The following STX8 variants were observed in gnomAD, a reference collection of about 807,000 sequenced individuals.
STX8 encodes the protein syntaxin 8.
Under a neutral mutation model 37.5 loss-of-function variants are expected in STX8, and 23 were observed. That is an observed-to-expected ratio of 0.61 (90% CI 0.44 to 0.87). The LOEUF (loss-of-function observed/expected upper bound fraction) is 0.87. Ranked by LOEUF, STX8 falls within the 40% of genes least tolerant of loss-of-function variation. The pLI is 0.00. For synonymous variants in STX8, 115 were observed against 99.1 expected (o/e 1.16, Z -0.95); for missense variants, 313 against 284.7 (o/e 1.10, Z -0.71).
At chr17:9,429,152 C>A (rs958310068) in intron 6 of STX8, among the ~76,000 whole-genome samples, 2 of 151,502 alleles carry the variant, frequency 1.3e-5, no homozygotes, top group East Asian at 3.9e-4. Context: ...ACATAATTCA[C>A]CTGCCACAAA....
At chr17:9,373,063 C>G (rs1343324339) in intron 7 of STX8, among the ~76,000 whole-genome samples, 1 of 148,120 alleles carries the variant, frequency 6.8e-6, no homozygotes, top group Non-Finnish European at 1.5e-5. Context: ...GAGGTCATGC[C>G]ATTGCACTCC....
chr17:9,342,582 G>A lies in STX8; in HGVS notation c.643+35970C>T, dbSNP rs1006529924. On this transcript the variant is annotated intron_variant, in intron 7 of 7. Coordinates refer to ENST00000306357, the MANE Select transcript of STX8 (RefSeq NM_004853.3). ...AACAGTGGTGCCAAACACAAATACC[G>A]GTGTGGGCTGGCTTCTTGTCTGGGT... 6.6e-5 allele frequency among the ~76,000 whole-genome samples: 10 copies of A among 152,134 alleles called. No homozygotes were observed. The South Asian group carries it at 1.0e-3, about 16-fold the overall frequency.
At chr17:9,528,826 TAAAAAC>T (rs1329345699) in intron 4 of STX8, among the ~76,000 whole-genome samples, 1 of 149,332 alleles carries the variant, frequency 6.7e-6, no homozygotes, top group East Asian at 2.0e-4. Flanking sequence ...GAATAGGAGA[TAAAAAC>T]TAAAATCAAG....
chr17:9,414,129 A>ACCTACCCATTTGTCCGTCTGT (rs1555525031), intron 6 of STX8, among the ~76,000 whole-genome samples: 1 of 67,622 alleles, frequency 1.5e-5, no homozygotes, highest in Non-Finnish European at 3.2e-5. Flanking sequence ...CATCCATCCA[A>ACCTACCCATTTGTCCGTCTGT]CCATCCATCC....
chr17:9,326,180 G>C (rs1324715256), intron 7 of STX8, among the ~76,000 whole-genome samples: 1 of 151,656 alleles, frequency 6.6e-6, no homozygotes, highest in South Asian at 2.1e-4. Flanking sequence ...ATCCAGGCTA[G>C]AGTGCAGTGG....
intron 7 of STX8, among the ~76,000 whole-genome samples, chr17:9,345,061 G>C (rs936858011): frequency 6.6e-6 from 1 of 152,152 alleles, no homozygotes; most frequent in African/African-American, 2.4e-5. Context: ...CAGGGTAGCA[G>C]ACGAGGGGCT....
chr17:9,525,593 G>A (rs542254887), intron 4 of STX8, among the ~76,000 whole-genome samples: 6 of 151,910 alleles, frequency 3.9e-5, no homozygotes, highest in East Asian at 1.9e-4. Context: ...TGATCTACCC[G>A]CCTCAGCCTC....
chr17:9,521,198 A>C (rs1905326929), intron 4 of STX8, among the ~76,000 whole-genome samples: 1 of 152,226 alleles, frequency 6.6e-6, no homozygotes, highest in African/African-American at 2.4e-5. Flanking sequence ...GAGAGGCTGC[A>C]GTCAGAGAGG....
chr17:9,303,085 A>T (rs1908843716), intron 7 of STX8, among the ~76,000 whole-genome samples: 1 of 151,958 alleles, frequency 6.6e-6, no homozygotes, highest in Non-Finnish European at 1.5e-5. Flanking sequence ...CAAGGTCAAG[A>T]GATCGAGACC....
chr17:9,269,012 C>T (rs554924868), intron 7 of STX8, among the ~76,000 whole-genome samples: 21 of 152,146 alleles, frequency 1.4e-4, no homozygotes, highest in Admixed American at 1.0e-3. Flanking sequence ...ACGGTGAAAC[C>T]CCGTCTCTAC....
chr17:9,559,001 A>G (rs1907102063), intron 2 of STX8, among the ~76,000 whole-genome samples: 2 of 152,176 alleles, frequency 1.3e-5, no homozygotes, highest in Admixed American at 1.3e-4. Flanking sequence ...AAAGATATCC[A>G]TCACAGCTTA....
chr17:9,266,583 G>C (rs1907239642), intron 7 of STX8, among the ~76,000 whole-genome samples: 1 of 152,180 alleles, frequency 6.6e-6, no homozygotes, highest in Non-Finnish European at 1.5e-5. Flanking sequence ...ATGTCACCAA[G>C]AGTGTAGAAG....
intron 5 of STX8, among the ~76,000 whole-genome samples, chr17:9,501,681 A>G (rs1030013683): frequency 1.3e-4 from 20 of 149,354 alleles, no homozygotes; most frequent in African/African-American, 5.0e-4. Flanking sequence ...ACAGTCTCAA[A>G]AAAATAAACA....
intron 7 of STX8, among the ~76,000 whole-genome samples, chr17:9,270,308 G>A (rs182003708): frequency 3.4e-3 from 516 of 152,206 alleles, no homozygotes; most frequent in Middle Eastern, 0.014. Flanking sequence ...GCAGTGGCGC[G>A]ATCTCAGCTC....
rs1240606077 is a variant in STX8, at chr17:9,545,172, C to T, written c.323G>A (p.Arg108Lys). ...ATCCCTGTAAATAAAAACATCCTACCTGATTAGATCTGGTTCGGCACCCTC... is the reference window on the plus strand; with the variant it reads ...ATCCCTGTAAATAAAAACATCCTACTTGATTAGATCTGGTTCGGCACCCTC... ...KNEGAEPDLIRSSLMSEEAKR... is the reference protein window; with the variant it reads ...KNEGAEPDLIKSSLMSEEAKR... The change falls in exon 4 of 8, where the codon AGG becomes AAG. Residue 108 changes from arginine (R) to lysine (K), a missense_variant and splice_region_variant. Arg to Lys is a conservative substitution (Grantham distance 26, BLOSUM62 2). Transcript: ENST00000306357. The T allele has an allele frequency of 6.2e-7, 1 of 1,609,440 alleles. No homozygotes were observed. Among genetic ancestry groups the T allele is most frequent in the Admixed American group, 1.7e-5 (1 of 59,780 alleles).
chr17:9,557,427 T>C lies in STX8; in HGVS notation c.212+7A>G, dbSNP rs531790617. 1.2e-6 allele frequency: 2 copies of C among 1,609,928 alleles called. No homozygotes were observed. The highest frequency in any genetic ancestry group is 4.5e-5 in the East Asian group (2 of 44,852). Reference sequence around the variant, plus strand: ...TAGAAAAGAGGTGGAAATGTTTACATGGATACATCTGATGTGTTGACACAG... The same window carrying C: ...TAGAAAAGAGGTGGAAATGTTTACACGGATACATCTGATGTGTTGACACAG... On this transcript the variant is annotated splice_region_variant and intron_variant, in intron 3 of 7. Coordinates refer to ENST00000306357, the MANE Select transcript of STX8 (RefSeq NM_004853.3).
intron 6 of STX8, among the ~76,000 whole-genome samples, chr17:9,431,756 C>T (rs780435571): frequency 6.6e-6 from 1 of 152,176 alleles, no homozygotes; most frequent in Non-Finnish European, 1.5e-5. Flanking sequence ...TAGTGCCAAA[C>T]GTTCTGACAT....
chr17:9,396,579 G>A (rs969202945), intron 6 of STX8, among the ~76,000 whole-genome samples: 17 of 151,894 alleles, frequency 1.1e-4, no homozygotes, highest in South Asian at 4.2e-4. Context: ...GCATGGTGGC[G>A]AGTGCCTGTA....
intron 4 of STX8, among the ~76,000 whole-genome samples, chr17:9,519,060 A>G (rs1248701821): frequency 2.6e-5 from 4 of 152,076 alleles, no homozygotes; most frequent in African/African-American, 9.7e-5. Flanking sequence ...AGTAGCACAC[A>G]AATAGTTAAA....
Sources: allele counts gnomAD v4.1 joint callset (sites outside exome capture counted in the v4.1 genomes callset), GRCh38; gene constraint gnomAD v4.1.1; transcripts MANE v1.5; gene names NCBI Gene and HGNC (gene_info 2026-07-23, HGNC 2026-07-21).